The following ROBO2 variants were observed in gnomAD, a reference collection of about 807,000 sequenced individuals.
ROBO2 encodes roundabout guidance receptor 2, also known as roundabout homolog 2.
In ROBO2, 53 loss-of-function variants were observed where a neutral mutation model predicts 160.8. The ratio of observed to expected loss-of-function variants is 0.33; its 90% CI spans 0.26 to 0.41. The LOEUF is 0.41. Among genes scored for constraint, ROBO2 ranks in the 10% least tolerant of loss-of-function variants. The pLI is 1.00. For missense variants in ROBO2, 1,577 were observed against 1,722.4 expected, an observed-to-expected ratio of 0.92 and a Z score of 1.49; for synonymous variants, 664 against 611.7, an observed-to-expected ratio of 1.09 and a Z score of -1.26.
chr3:77,068,591 A>G (rs918678506), intron 1 of ROBO2, among the ~76,000 whole-genome samples: 2 of 152,076 alleles, frequency 1.3e-5, no homozygotes, highest in African/African-American at 4.8e-5. Context: ...ATTCACCCCA[A>G]AGTATGATAT....
At chr3:76,442,239 A>C (rs956895836) in intron 2 of ROBO2, among the ~76,000 whole-genome samples, 2 of 152,126 alleles carry the variant, frequency 1.3e-5, no homozygotes, top group East Asian at 3.9e-4. Flanking sequence ...GGACAAAAAA[A>C]CCCGAGGATA....
At position 77,165,424 on chromosome 3, in the gene ROBO2, C is replaced by T. The variant is rs563675819; in HGVS notation, c.388+67084C>T. Among the ~76,000 whole-genome samples, 756 of 148,306 alleles carry T rather than the reference C, an allele frequency of 5.1e-3. 2 individuals are homozygous for T. The highest frequency in any genetic ancestry group is 8.7e-3 in the Non-Finnish European group (586 of 67,038). The stretch of plus-strand genomic sequence containing the variant: ...CAAGTAATCAGGGACACAAACACTG[C>T]GGAAGGCCGCAGGGTCCTCTGCCTA... On this transcript the variant is annotated intron_variant, in intron 2 of 25. Coordinates refer to ENST00000461745, the Ensembl canonical transcript of ROBO2.
exon 4 of ROBO2, chr3:77,481,172 A>G: frequency 6.2e-7 from 1 of 1,607,822 alleles, no homozygotes; most frequent in African/African-American, 1.3e-5. Context: ...GTTGGTACCA[A>G]TATGGTGGGA....
intron 2 of ROBO2, among the ~76,000 whole-genome samples, chr3:76,907,545 T>C (rs1220032365): frequency 1.3e-5 from 2 of 152,290 alleles, no homozygotes; most frequent in East Asian, 1.9e-4. Context: ...ACCAAGCTTA[T>C]TGGAGTAACA....
At position 77,602,673 on chromosome 3, in the gene ROBO2, A is replaced by G. The variant is rs3732915; in HGVS notation, c.3136+182A>G. 0.26 allele frequency among the ~76,000 whole-genome samples: 32,485 copies of G among 122,860 alleles called. 4,409 individuals are homozygous for G. Among genetic ancestry groups the G allele is most frequent in the East Asian group, 0.47 (1,978 of 4,178 alleles). 80.6% of individuals were successfully genotyped at this position (122,860 alleles called of 152,430 possible). ...TACCACCACCACCGCCACCACCACC[A>G]CCACCACCACCACCACCGCCGCCGC... On this transcript the variant is annotated intron_variant, in intron 20 of 25. Coordinates refer to ENST00000461745, the Ensembl canonical transcript of ROBO2.
chr3:77,266,392 T>G (rs1162821886), intron 2 of ROBO2, among the ~76,000 whole-genome samples: 1 of 152,088 alleles, frequency 6.6e-6, no homozygotes, highest in Non-Finnish European at 1.5e-5. Context: ...CGTATTATTT[T>G]CCTTCTAGAA....
At chr3:75,998,519 T>G (rs990727642) in intron 2 of ROBO2, among the ~76,000 whole-genome samples, 5 of 152,196 alleles carry the variant, frequency 3.3e-5, no homozygotes, top group Admixed American at 3.3e-4. Flanking sequence ...CACATATTTC[T>G]GAGCATATGG....
intron 2 of ROBO2, among the ~76,000 whole-genome samples, chr3:77,363,209 A>G (rs1483957746): frequency 6.6e-6 from 1 of 152,188 alleles, no homozygotes; most frequent in African/African-American, 2.4e-5. Context: ...TTTTGATACT[A>G]AAACTCAATG....
chr3:76,262,296 C>CT (rs966903866), intron 2 of ROBO2, among the ~76,000 whole-genome samples: 151 of 148,626 alleles, frequency 1.0e-3, no homozygotes, highest in Non-Finnish European at 1.5e-3. Flanking sequence ...ACGAGCTTTG[C>CT]TTTTTTTTTT....
At chr3:77,480,799 A>G (rs77196910) in intron 3 of ROBO2, among the ~76,000 whole-genome samples, 2,301 of 152,224 alleles carry the variant, frequency 0.015, 35 homozygotes, top group African/African-American at 0.041. Flanking sequence ...TATTCAAATG[A>G]ATTTCAGTGT....
At chr3:76,307,529 A>T (rs1455713139) in intron 2 of ROBO2, among the ~76,000 whole-genome samples, 1 of 144,680 alleles carries the variant, frequency 6.9e-6, no homozygotes, top group Non-Finnish European at 1.5e-5. Context: ...CTCTCGGTGG[A>T]CCTTCCCATT....
chr3:77,468,130 A>C (rs2153577709), intron 2 of ROBO2, among the ~76,000 whole-genome samples: 1 of 152,302 alleles, frequency 6.6e-6, no homozygotes, highest in Non-Finnish European at 1.5e-5. Flanking sequence ...TTTAAGGGAG[A>C]AAGAAAAGGA....
chr3:76,674,511 A>T (rs2092355274), intron 2 of ROBO2, among the ~76,000 whole-genome samples: 1 of 151,610 alleles, frequency 6.6e-6, no homozygotes. Context: ...GCAGTCTCTC[A>T]AGTCCTTTCC....
At chr3:76,369,847 A>G (rs377209891) in intron 2 of ROBO2, among the ~76,000 whole-genome samples, 1 of 151,970 alleles carries the variant, frequency 6.6e-6, no homozygotes, top group South Asian at 2.1e-4. Flanking sequence ...TGAAAGAAGT[A>G]TTACAACTGC....
intron 2 of ROBO2, among the ~76,000 whole-genome samples, chr3:76,261,860 T>C (rs1280776690): frequency 2.0e-5 from 3 of 152,156 alleles, no homozygotes; most frequent in African/African-American, 7.2e-5. Context: ...GACCATCATA[T>C]AATTGGTGAA....
intron 2 of ROBO2, among the ~76,000 whole-genome samples, chr3:76,007,802 A>G (rs559846401): frequency 6.6e-6 from 1 of 152,332 alleles, no homozygotes; most frequent in East Asian, 1.9e-4. Flanking sequence ...TTTGTAAAAA[A>G]ACTACTCTTA....
chr3:76,225,879 C>A (rs541285664), intron 2 of ROBO2, among the ~76,000 whole-genome samples: 1 of 152,136 alleles, frequency 6.6e-6, no homozygotes, highest in Non-Finnish European at 1.5e-5. Flanking sequence ...TTGCAAGATA[C>A]ATTAACTCTA....
rs186892157 is a variant in ROBO2 at position 76,214,616 on chromosome 3, A to G, written c.109+277014A>G. ...GCAAGGCAGCAGCAAGGCTGGGGGA[A>G]GGGCGTCCGCCATTGCTGAGGCTTG... On this transcript the variant is annotated intron_variant, in intron 2 of 26. Coordinates refer to the ROBO2 transcript ENST00000487694. Among the ~76,000 whole-genome samples the G allele has an allele frequency of 2.9e-3, 440 of 152,306 alleles. 2 individuals carry two copies. Among genetic ancestry groups the G allele is most frequent in the African/African-American group, 0.01 (421 of 41,576 alleles).
intron 2 of ROBO2, among the ~76,000 whole-genome samples, chr3:77,119,614 C>T (rs72887986): frequency 0.034 from 5,130 of 152,186 alleles, 314 homozygotes; most frequent in African/African-American, 0.12. Flanking sequence ...CACATAGAAA[C>T]GGATCTTATC....
Sources: gnomAD v4.1 joint callset for allele counts (sites outside exome capture counted in the v4.1 genomes callset) on GRCh38, gnomAD v4.1.1 for gene constraint, MANE v1.5 for transcripts, NCBI Gene and HGNC (gene_info 2026-07-23, HGNC 2026-07-21) for gene names.